LHFPL7: variants seen among roughly 807,000 people sequenced by gnomAD.
LHFPL7 encodes LHFPL tetraspan subfamily member 7.
chr22:24,940,883 G>C, the LHFPL7 span, among the ~76,000 whole-genome samples: 1 of 151,694 alleles, frequency 6.6e-6, no homozygotes, highest in Non-Finnish European at 1.5e-5. Context: ...CCTCCCACCT[G>C]CTGAGTAGCT....
chr22:24,942,295 C>T, the LHFPL7 span, among the ~76,000 whole-genome samples: 1 of 152,204 alleles, frequency 6.6e-6, no homozygotes, highest in Non-Finnish European at 1.5e-5. Context: ...CGCCCGGCCT[C>T]AAATGTATTT....
the LHFPL7 span, chr22:24,938,400 G>A: frequency 6.4e-7 from 1 of 1,570,770 alleles, no homozygotes; most frequent in East Asian, 2.3e-5. Context: ...GTGTTGGCTG[G>A]GACAGGGGCA....
At chr22:24,944,132 T>C in the LHFPL7 span, among the ~76,000 whole-genome samples, 825 of 152,164 alleles carry the variant, frequency 5.4e-3, 38 homozygotes, top group East Asian at 0.1. Context: ...CAAATATTTA[T>C]TGGGTGTCTA....
At chr22:24,944,148 T>A in the LHFPL7 span, among the ~76,000 whole-genome samples, 1 of 152,148 alleles carries the variant, frequency 6.6e-6, no homozygotes. Context: ...GTCTACAATG[T>A]TCCAGGAACT....
At chr22:24,935,619 C>A in the LHFPL7 span, 1 of 1,598,992 alleles carries the variant, frequency 6.3e-7, no homozygotes, top group Non-Finnish European at 8.5e-7. Flanking sequence ...GAAGGAAAGA[C>A]AATGTGTTGG....
At chr22:24,943,836 A>G in the LHFPL7 span, among the ~76,000 whole-genome samples, 94 of 152,328 alleles carry the variant, frequency 6.2e-4, no homozygotes, top group African/African-American at 2.1e-3. Flanking sequence ...GCAGAATCTC[A>G]GGAGGAGAAA....
At chr22:24,939,482 G>A in the LHFPL7 span, 2 of 703,132 alleles carry the variant, frequency 2.8e-6, no homozygotes, top group African/African-American at 3.5e-5. Context: ...TGAGGCTGAA[G>A]GCTGAGGTGC....
chr22:24,935,159 G>GAGGT, the LHFPL7 span: 1 of 770,372 alleles, frequency 1.3e-6, no homozygotes, highest in Non-Finnish European at 2.0e-6. Flanking sequence ...ACAACCTTAT[G>GAGGT]AGGTAGGTAT....
chr22:24,941,832 A>G, the LHFPL7 span, among the ~76,000 whole-genome samples: 1 of 151,294 alleles, frequency 6.6e-6, no homozygotes, highest in South Asian at 2.1e-4. Context: ...ACGCCCAGCT[A>G]ATTTTTGTAT....
At chr22:24,939,193 G>A in the LHFPL7 span, 1 of 659,518 alleles carries the variant, frequency 1.5e-6, no homozygotes, top group Admixed American at 2.1e-5. Context: ...TCAGTTCTAA[G>A]GAGAGTAATG....
the LHFPL7 span, among the ~76,000 whole-genome samples, chr22:24,940,082 C>T: frequency 6.6e-6 from 1 of 151,040 alleles, no homozygotes; most frequent in Non-Finnish European, 1.5e-5. Flanking sequence ...CGCCCGCCAC[C>T]GCGCCCGGCT....
At chr22:24,937,432 T>A in the LHFPL7 span, among the ~76,000 whole-genome samples, 2 of 152,278 alleles carry the variant, frequency 1.3e-5, no homozygotes, top group South Asian at 4.1e-4. Context: ...CTGGGTTAGG[T>A]GGAGCCTCAT....
the LHFPL7 span, chr22:24,938,253 A>G: frequency 3.4e-5 from 55 of 1,613,732 alleles, no homozygotes; most frequent in Non-Finnish European, 4.4e-5. Flanking sequence ...GAAGGCCAAC[A>G]GGAGCCAGCC....
At chr22:24,935,463 A>G in the LHFPL7 span, 1 of 1,613,872 alleles carries the variant, frequency 6.2e-7, no homozygotes, top group African/African-American at 1.3e-5. Context: ...TGCATTGAGG[A>G]TAGCAGTCAT....
At chr22:24,945,758 G>A in the LHFPL7 span, among the ~76,000 whole-genome samples, 1 of 152,218 alleles carries the variant, frequency 6.6e-6, no homozygotes, top group Non-Finnish European at 1.5e-5. Context: ...TCCAGCCTGG[G>A]GGGTGCAGGC....
chr22:24,940,083 G>A, the LHFPL7 span, among the ~76,000 whole-genome samples: 4 of 150,508 alleles, frequency 2.7e-5, no homozygotes, highest in East Asian at 2.0e-4. Context: ...GCCCGCCACC[G>A]CGCCCGGCTA....
At chr22:24,938,192 T>C in the LHFPL7 span, 1 of 1,614,214 alleles carries the variant, frequency 6.2e-7, no homozygotes, top group South Asian at 1.1e-5. Context: ...TGCTTCTCCT[T>C]GGGCACAGCC....
At chr22:24,941,979 T>TTTTTTTATTTATTTA in the LHFPL7 span, among the ~76,000 whole-genome samples, 1 of 145,888 alleles carries the variant, frequency 6.9e-6, no homozygotes, top group African/African-American at 2.6e-5. Context: ...TTCAAATGTA[T>TTTTTTTATTTATTTA]TTTATTTATT....
chr22:24,938,161 G>A, the LHFPL7 span: 1 of 1,614,134 alleles, frequency 6.2e-7, no homozygotes, highest in South Asian at 1.1e-5. Flanking sequence ...GCCACTGCCT[G>A]CACCCCTGGC....
Sources: allele counts gnomAD v4.1 joint callset (sites outside exome capture counted in the v4.1 genomes callset), GRCh38; gene constraint gnomAD v4.1.1; transcripts MANE v1.5; gene names NCBI Gene and HGNC (gene_info 2026-07-23, HGNC 2026-07-21).